LIN52: variants seen among roughly 807,000 people sequenced by gnomAD.
LIN52 encodes the protein lin-52 DREAM MuvB core complex component.
In LIN52, 4 loss-of-function variants were observed where a neutral mutation model predicts 18.5. The ratio of observed to expected loss-of-function variants is 0.22; its 90% confidence interval spans 0.11 to 0.49. LIN52 has a LOEUF of 0.49. LIN52 is among the 20% of genes least tolerant of loss of function. LIN52 has a pLI of 0.97. For missense variants in LIN52, 102 were observed against 139.5 expected (o/e 0.73, Z 1.35); for synonymous variants, 34 against 45.5 (o/e 0.75, Z 1.02).
intron 1 of LIN52, among the ~76,000 whole-genome samples, chr14:74,089,843 A>G (rs2060760656): frequency 6.6e-6 from 1 of 152,092 alleles, no homozygotes; most frequent in African/African-American, 2.4e-5. Flanking sequence ...CGCAGGACAT[A>G]CGACAGGGGT....
chr14:74,152,362 T>G (rs1177628931), intron 5 of LIN52, among the ~76,000 whole-genome samples: 1 of 152,198 alleles, frequency 6.6e-6, no homozygotes, highest in Non-Finnish European at 1.5e-5. Context: ...TTCCTCCTGT[T>G]CTGCCTATAG....
chr14:74,159,791 C>T lies in LIN52; in HGVS notation c.284-39131C>T, dbSNP rs368984130. On this transcript the variant is annotated intron_variant, in intron 5 of 5. Transcript: ENST00000555028. ...TTCACCATGTTGGCCAGGCTGGTCT[C>T]GAACTCGTGACCTCAAGTGATCCGC... Among the ~76,000 whole-genome samples, 570 of 152,176 alleles carry T rather than the reference C, an allele frequency of 3.7e-3. 4 individuals carry two copies. The highest frequency in any genetic ancestry group is 0.013 in the African/African-American group (535 of 41,514).
At chr14:74,156,368 C>T (rs927318464) in intron 5 of LIN52, among the ~76,000 whole-genome samples, 3 of 152,120 alleles carry the variant, frequency 2.0e-5, no homozygotes, top group African/African-American at 7.2e-5. Flanking sequence ...TTCCTATAGT[C>T]AGTCTGTCTA....
intron 5 of LIN52, among the ~76,000 whole-genome samples, chr14:74,194,901 T>C (rs560819542): frequency 6.6e-6 from 1 of 152,288 alleles, no homozygotes; most frequent in East Asian, 1.9e-4. Flanking sequence ...TCCTAGCACT[T>C]TGGGAGGCCA....
intron 5 of LIN52, among the ~76,000 whole-genome samples, chr14:74,140,395 G>A (rs752184997): frequency 5.9e-5 from 9 of 152,092 alleles, no homozygotes; most frequent in African/African-American, 1.2e-4. Context: ...TAGCTACACC[G>A]GGGCTCTATG....
intron 5 of LIN52, among the ~76,000 whole-genome samples, chr14:74,157,243 G>C (rs2061203122): frequency 6.6e-6 from 1 of 151,424 alleles, no homozygotes; most frequent in Admixed American, 6.6e-5. Context: ...ATGTTGGCCA[G>C]GCTGATCTTG....
chr14:74,156,245 C>G (rs902193268), intron 5 of LIN52, among the ~76,000 whole-genome samples: 4 of 152,150 alleles, frequency 2.6e-5, no homozygotes, highest in Admixed American at 6.5e-5. Flanking sequence ...TTAGCAATAG[C>G]AGAAAACAAA....
intron 5 of LIN52, among the ~76,000 whole-genome samples, chr14:74,124,430 A>G (rs1179003007): frequency 6.6e-6 from 1 of 152,210 alleles, no homozygotes; most frequent in African/African-American, 2.4e-5. Flanking sequence ...TGAATTTAAT[A>G]TAATTCAAAT....
In LIN52 at chr14:74,130,278, G is replaced by GTTTTTTTTTTTTT. The variant is rs71460958; in HGVS notation, c.283+29046_283+29058dup. The stretch of plus-strand genomic sequence containing the variant: ...GAATTTATTAGATAGGCATTTTTTG[G>GTTTTTTTTTTTTT]TTTTTTTTTTTTTTTTTTGAGACAG... On this transcript the variant is annotated intron_variant, in intron 5 of 5. Coordinates refer to ENST00000555028, the MANE Select transcript of LIN52 (RefSeq NM_001024674.3). Among the ~76,000 whole-genome samples, 308 of 64,758 alleles carry GTTTTTTTTTTTTT rather than the reference G, an allele frequency of 4.8e-3. 34 individuals are homozygous for GTTTTTTTTTTTTT. Among genetic ancestry groups the GTTTTTTTTTTTTT allele is most frequent in the African/African-American group, 0.012 (189 of 15,842 alleles). 42.5% of individuals were successfully genotyped at this position (64,758 alleles called of 152,430 possible).
chr14:74,090,905 CTG>C (rs1317231253), intron 1 of LIN52, among the ~76,000 whole-genome samples: 1 of 152,048 alleles, frequency 6.6e-6, no homozygotes, highest in Admixed American at 6.6e-5. Flanking sequence ...TCAGAAGAGT[CTG>C]TTTCATGGAA....
intron 5 of LIN52, among the ~76,000 whole-genome samples, chr14:74,134,544 C>A (rs2061086952): frequency 6.6e-6 from 1 of 151,666 alleles, no homozygotes; most frequent in African/African-American, 2.4e-5. Context: ...GTGAAAAATC[C>A]TTTCTAACTT....
chr14:74,170,389 G>T (rs1356254140), intron 5 of LIN52, among the ~76,000 whole-genome samples: 1 of 151,976 alleles, frequency 6.6e-6, no homozygotes, highest in Non-Finnish European at 1.5e-5. Context: ...TCTTCTATAG[G>T]TTCTTAAGCA....
At chr14:74,195,733 G>A (rs990583543) in intron 5 of LIN52, among the ~76,000 whole-genome samples, 1 of 152,268 alleles carries the variant, frequency 6.6e-6, no homozygotes, top group Non-Finnish European at 1.5e-5. Flanking sequence ...AATTAAAAGC[G>A]CAGTTGGCAT....
At chr14:74,098,962 A>T (rs957847014) in intron 4 of LIN52, among the ~76,000 whole-genome samples, 1 of 152,160 alleles carries the variant, frequency 6.6e-6, no homozygotes, top group Admixed American at 6.5e-5. Context: ...GTGGGTTAAG[A>T]CCTATTTTTT....
At chr14:74,088,327 G>A (rs1047155713) in intron 1 of LIN52, among the ~76,000 whole-genome samples, 48 of 152,124 alleles carry the variant, frequency 3.2e-4, no homozygotes, top group African/African-American at 1.1e-3. Flanking sequence ...CTGACCTCAG[G>A]TGATGCACTC....
intron 5 of LIN52, among the ~76,000 whole-genome samples, chr14:74,183,056 A>G (rs1035720742): frequency 6.6e-6 from 1 of 151,616 alleles, no homozygotes; most frequent in African/African-American, 2.4e-5. Context: ...AACGATGGAA[A>G]TAAACATTCG....
At chr14:74,135,797 T>C (rs2061094133) in intron 5 of LIN52, among the ~76,000 whole-genome samples, 1 of 150,880 alleles carries the variant, frequency 6.6e-6, no homozygotes, top group Non-Finnish European at 1.5e-5. Context: ...CAGTCATTTC[T>C]TGTCCTCCTT....
At chr14:74,188,373 CAA>C (rs2061349198) in intron 5 of LIN52, among the ~76,000 whole-genome samples, 2 of 152,130 alleles carry the variant, frequency 1.3e-5, no homozygotes, top group Admixed American at 1.3e-4. Context: ...GCTCACAGCC[CAA>C]GACATTTGAT....
intron 5 of LIN52, among the ~76,000 whole-genome samples, chr14:74,135,254 G>T (rs553935415): frequency 6.6e-6 from 1 of 152,014 alleles, no homozygotes; most frequent in Non-Finnish European, 1.5e-5. Flanking sequence ...TAGTAGAGAC[G>T]GGGTTTCACC....
Sources: gnomAD v4.1 joint callset for allele counts (sites outside exome capture counted in the v4.1 genomes callset) on GRCh38, gnomAD v4.1.1 for gene constraint, MANE v1.5 for transcripts, NCBI Gene and HGNC (gene_info 2026-07-23, HGNC 2026-07-21) for gene names.